The following KCNA6 variants were observed in gnomAD, a reference collection of about 807,000 sequenced individuals.
The protein encoded by KCNA6 is potassium voltage-gated channel subfamily A member 6, also known as human brain potassium channel-2.
In KCNA6, 17 loss-of-function variants were observed where a neutral mutation model predicts 29.5. The ratio of observed to expected loss-of-function variants is 0.58; its 90% CI spans 0.39 to 0.86. KCNA6 has a LOEUF of 0.86. Ranked by LOEUF, KCNA6 falls within the 40% of genes least tolerant of loss-of-function variation. The pLI is 0.00. For synonymous variants in KCNA6, 296 were observed against 304.7 expected (o/e 0.97, Z 0.30); for missense variants, 450 against 703.4 (o/e 0.64, Z 4.07).
At position 4,811,619 on chromosome 12, in the gene KCNA6, C is replaced by T; in HGVS notation, c.1578C>T (p.Leu526=). 1 of 1,613,570 alleles carries T rather than the reference C, an allele frequency of 6.2e-7. No individual in the cohort carries two copies. The change falls in exon 1 of 1, where the codon CTC becomes CTT. Residue 526 remains leucine (L), a synonymous_variant. Coordinates refer to ENST00000280684, the Ensembl canonical transcript of KCNA6. The surrounding 1 kb of genome is among the most constrained non-coding windows in gnomAD (Gnocchi z 7.1). ...GGGCCTATGCAGAGAAAAGAATGCT[C>T]ACGGAGGTCTGACCCATGCAGGCAG... is the stretch of plus-strand genomic sequence containing the variant.
downstream of KCNA6, chr12:4,814,221 G>A (rs1565404540): frequency 6.0e-6 from 1 of 167,100 alleles, no homozygotes; most frequent in Non-Finnish European, 1.5e-5. This position sits in a 1 kb window ranked among gnomAD's most constrained non-coding sequence, Gnocchi z 4.6. Flanking sequence ...TGAATGTTAA[G>A]CAACCAGTTA....
the KCNA6 span, chr12:4,838,919 A>G: frequency 6.6e-6 from 1 of 152,230 alleles, no homozygotes; most frequent in Non-Finnish European, 1.5e-5. Flanking sequence ...TTAGAGGTCC[A>G]TCTTCAAATA....
downstream of KCNA6, chr12:4,813,935 AG>A (rs1268321037): frequency 1.2e-5 from 2 of 167,120 alleles, no homozygotes; most frequent in Non-Finnish European, 2.9e-5. Flanking sequence ...CCAGCTCACC[AG>A]GGACTCTGGT....
the KCNA6 span, chr12:4,850,799 G>T: frequency 2.2e-6 from 1 of 454,608 alleles, no homozygotes; most frequent in Non-Finnish European, 4.4e-6. The surrounding 1 kb of genome is among the most constrained non-coding windows in gnomAD (Gnocchi z 5.4). Context: ...ACAGCAGCTG[G>T]ACCCTCAACT....
chr12:4,821,455 TG>T, the KCNA6 span, among the ~76,000 whole-genome samples: 4 of 150,312 alleles, frequency 2.7e-5, no homozygotes, highest in South Asian at 8.5e-4. Context: ...TGTGTGTGTG[TG>T]TGTGTTTTGT....
the KCNA6 span, among the ~76,000 whole-genome samples, chr12:4,827,212 C>T: frequency 7.0e-6 from 1 of 143,134 alleles, no homozygotes; most frequent in African/African-American, 2.7e-5. Flanking sequence ...TTCCCTCCTT[C>T]CTTCCTTCCT....
chr12:4,840,343 T>G, the KCNA6 span, among the ~76,000 whole-genome samples: 1 of 152,086 alleles, frequency 6.6e-6, no homozygotes, highest in Admixed American at 6.6e-5. Flanking sequence ...CAGACACTTT[T>G]CCAAAGAAGG....
the KCNA6 span, among the ~76,000 whole-genome samples, chr12:4,820,426 G>T: frequency 6.6e-6 from 1 of 151,924 alleles, no homozygotes; most frequent in Non-Finnish European, 1.5e-5. Flanking sequence ...GCAGAGAAGT[G>T]AAATAATTTG....
At chr12:4,838,802 G>A in the KCNA6 span, among the ~76,000 whole-genome samples, 1 of 145,092 alleles carries the variant, frequency 6.9e-6, no homozygotes, top group Non-Finnish European at 1.6e-5. Flanking sequence ...TTTCCTCTGT[G>A]CACAGAGTGA....
chr12:4,821,275 A>G, the KCNA6 span, among the ~76,000 whole-genome samples: 1 of 152,174 alleles, frequency 6.6e-6, no homozygotes, highest in Non-Finnish European at 1.5e-5. Flanking sequence ...GAGGTCCGGT[A>G]TGGTGGGGAA....
chr12:4,832,110 G>A, the KCNA6 span, among the ~76,000 whole-genome samples: 2 of 152,292 alleles, frequency 1.3e-5, no homozygotes, highest in Non-Finnish European at 2.9e-5. Flanking sequence ...CCTCATGTTT[G>A]TGGTTGGGAC....
chr12:4,835,662 G>A, the KCNA6 span, among the ~76,000 whole-genome samples: 1 of 151,960 alleles, frequency 6.6e-6, no homozygotes, highest in Non-Finnish European at 1.5e-5. Flanking sequence ...CCAACCCAAA[G>A]TTGCTTGTTA....
chr12:4,843,419 A>G, the KCNA6 span, among the ~76,000 whole-genome samples: 2 of 152,100 alleles, frequency 1.3e-5, no homozygotes, highest in Non-Finnish European at 2.9e-5. Flanking sequence ...TGACCTTGTG[A>G]TCTGCCTGCC....
At position 4,811,929 on chromosome 12, in the gene KCNA6, AT is replaced by A. The variant is rs1452437078; in HGVS notation, c.*303del. ...TATGTCTGACCTTCCCTCAAGACTG[AT>A]TTTTCATGTCTGGGACTTACAATAT... is the stretch of plus-strand genomic sequence containing the variant. On this transcript the variant is annotated 3_prime_UTR_variant, in exon 1 of 1. Coordinates refer to ENST00000280684, the Ensembl canonical transcript of KCNA6. This position sits in a 1 kb window ranked among gnomAD's most constrained non-coding sequence, Gnocchi z 7.1. The A allele has an allele frequency of 2.8e-6, 1 of 353,818 alleles. No individual in the cohort carries two copies. The highest frequency in any genetic ancestry group is 5.4e-6 in the Non-Finnish European group (1 of 185,790). 21.9% of individuals were successfully genotyped at this position (353,818 alleles called of 1,614,324 possible). A position where few individuals can be genotyped will look rare whatever the true frequency, so the allele number is the denominator to read the frequency against.
At chr12:4,815,994 T>A (rs1946677459), downstream of KCNA6, among the ~76,000 whole-genome samples, 1 of 152,044 alleles carries the variant, frequency 6.6e-6, no homozygotes, top group African/African-American at 2.4e-5. Flanking sequence ...GTGGTAATAA[T>A]CATACAACTC....
the KCNA6 span, among the ~76,000 whole-genome samples, chr12:4,824,218 GTTTCT>G: frequency 6.6e-6 from 1 of 152,220 alleles, no homozygotes; most frequent in Non-Finnish European, 1.5e-5. Context: ...TTCATGGTCT[GTTTCT>G]TATTTGCCCA....
the KCNA6 span, chr12:4,850,606 G>C: frequency 3.1e-6 from 1 of 324,466 alleles, no homozygotes; most frequent in African/African-American, 2.2e-5. The surrounding 1 kb of genome is among the most constrained non-coding windows in gnomAD (Gnocchi z 5.4). Flanking sequence ...GACTCGGTAG[G>C]AGCTCACTAG....
chr12:4,841,695 T>C, the KCNA6 span, among the ~76,000 whole-genome samples: 1 of 152,234 alleles, frequency 6.6e-6, no homozygotes, highest in African/African-American at 2.4e-5. Flanking sequence ...GCACACTTTC[T>C]GTCAGTCAAT....
At chr12:4,819,591 C>T in the KCNA6 span, among the ~76,000 whole-genome samples, 1 of 152,192 alleles carries the variant, frequency 6.6e-6, no homozygotes, top group South Asian at 2.1e-4. Context: ...CTGGCCTTCA[C>T]TCCACCTAAA....
Sources: allele counts gnomAD v4.1 joint callset (sites outside exome capture counted in the v4.1 genomes callset), GRCh38; gene constraint gnomAD v4.1.1; non-coding constraint Gnocchi (gnomAD v3.1); transcripts MANE v1.5; gene names NCBI Gene and HGNC (gene_info 2026-07-23, HGNC 2026-07-21).